Variants in SDC4 observed in about 807,000 individuals in gnomAD.
SDC4 encodes syndecan-4.
A neutral mutation model predicts 20.5 loss-of-function variants in SDC4; 17 were observed. The observed-to-expected ratio is 0.83, with a 90% CI of 0.57 to 1.25. The LOEUF (loss-of-function observed/expected upper bound fraction) is 1.25, where lower values mean the gene tolerates loss of function less well. Among genes scored for constraint, SDC4 ranks in the 50% most tolerant of loss-of-function variants. The probability of loss-of-function intolerance (pLI) is 0.00; values close to 1 mark genes in which losing one functional copy is unlikely to be tolerated. For missense variants in SDC4, 241 were observed against 252.3 expected, an observed-to-expected ratio of 0.96 and a Z score of 0.30; for synonymous variants, 107 against 105.3, an observed-to-expected ratio of 1.02 and a Z score of -0.10.
chr20:45,347,547 C>T (rs1260582710), intron 1 of SDC4, among the ~76,000 whole-genome samples: 1 of 152,158 alleles, frequency 6.6e-6, no homozygotes, highest in Non-Finnish European at 1.5e-5. Flanking sequence ...CTTCACCTCA[C>T]TCAAGGTGGA....
At position 45,326,458 on chromosome 20, in the gene SDC4, A is replaced by C. The variant is rs1450562657; in HGVS notation, c.*806T>G. ...TTCTCTCATTTTCAAGAAACAAACA[A>C]AAACAAAAACAAAAACCATTAAATA... On this transcript the variant is annotated 3_prime_UTR_variant, in exon 5 of 5. Coordinates refer to ENST00000372733, the MANE Select transcript of SDC4 (RefSeq NM_002999.4). 1 of 152,014 alleles carries C rather than the reference A, an allele frequency of 6.6e-6. No homozygotes were observed. The highest frequency in any genetic ancestry group is 1.5e-5 in the Non-Finnish European group (1 of 68,004). 9.4% of individuals were successfully genotyped at this position (152,014 alleles called of 1,614,324 possible). A position where few individuals can be genotyped will look rare whatever the true frequency, so the allele number is the denominator to read the frequency against.
chr20:45,328,717 T>G (rs80124658), intron 4 of SDC4, among the ~76,000 whole-genome samples: 2,110 of 152,198 alleles, frequency 0.014, 58 homozygotes, highest in African/African-American at 0.048. Context: ...AGAAGATTAA[T>G]TTTCCATCCC....
chr20:45,335,362 T>C (rs1482116168), intron 2 of SDC4, among the ~76,000 whole-genome samples: 1 of 151,996 alleles, frequency 6.6e-6, no homozygotes, highest in African/African-American at 2.4e-5. Flanking sequence ...TGTGTTTTTG[T>C]AGAGACAAGT....
intron 3 of SDC4, among the ~76,000 whole-genome samples, chr20:45,331,435 T>C (rs1457788199): frequency 6.6e-6 from 1 of 152,116 alleles, no homozygotes; most frequent in Non-Finnish European, 1.5e-5. Context: ...ATGTCAGGTG[T>C]TTGAACCAGA....
chr20:45,348,236 C>G (rs1194643858), intron 1 of SDC4, 89 bp downstream of exon 1: 40 of 202,538 alleles, frequency 2.0e-4, no homozygotes, highest in Middle Eastern at 9.0e-4. Context: ...CCCCGATCTG[C>G]CCCCCCCCAT....
chr20:45,348,349 G>T lies in SDC4; in HGVS notation c.36C>A (p.Phe12Leu), dbSNP rs1374316408. Reference sequence around the variant, plus strand: ...CCGACTCGGCGACTCCGCCTACGAAGAACAGCAGCAGCGCGAACAGACGGG... The same window carrying T: ...CCGACTCGGCGACTCCGCCTACGAATAACAGCAGCAGCGCGAACAGACGGG... The part of the protein sequence containing the change: ...APARLFALLL[F>L]FVGGVAESIR... The change falls in exon 1 of 5, where the codon TTC (phenylalanine) becomes TTA (leucine). Residue 12 changes from phenylalanine to leucine, a missense_variant. Transcript: ENST00000372733. 1.3e-6 allele frequency: 2 copies of T among 1,593,560 alleles called. No homozygotes were observed. The highest frequency in any genetic ancestry group is 2.3e-5 in the East Asian group (1 of 43,834).
In SDC4 at chr20:45,325,613, A is replaced by C. The variant is rs1987671520; in HGVS notation, c.*1651T>G. 8.2e-6 allele frequency: 1 copy of C among 122,656 alleles called. No individual in the cohort carries two copies. The highest frequency in any genetic ancestry group is 1.6e-5 in the Non-Finnish European group (1 of 61,176). The allele number at this position is 122,656 out of a possible 1,614,324, so 7.6% of individuals were successfully genotyped here. On this transcript the variant is annotated 3_prime_UTR_variant, in exon 5 of 5. Transcript: ENST00000372733. ...AACAGGCCCCAGCTGGGGCCTCATC[A>C]GCCCTCCCCCATTCCCCCCCCCCTA... is the stretch of plus-strand genomic sequence containing the variant.
At chr20:45,335,695 G>A in intron 2 of SDC4, 87 bp downstream of exon 2, 1 of 1,424,312 alleles carries the variant, frequency 7.0e-7, no homozygotes, top group Non-Finnish European at 9.6e-7. Context: ...AAAAATCCAA[G>A]TCTCAAGGCA....
At chr20:45,327,902 T>G (rs1470728748) in intron 4 of SDC4, among the ~76,000 whole-genome samples, 1 of 152,226 alleles carries the variant, frequency 6.6e-6, no homozygotes, top group African/African-American at 2.4e-5. Flanking sequence ...CCCAAAGTGC[T>G]GGGATTACAG....
chr20:45,330,232 A>G (rs2070638), intron 4 of SDC4, 134 bp downstream of exon 4: 398,210 of 767,902 alleles, frequency 0.52, 104,563 homozygotes, highest in Admixed American at 0.62. Context: ...TCAATGTTCT[A>G]GGGCAACCTG....
At chr20:45,344,950 A>C (rs1057066885) in intron 1 of SDC4, among the ~76,000 whole-genome samples, 2 of 152,142 alleles carry the variant, frequency 1.3e-5, no homozygotes, top group African/African-American at 2.4e-5. Flanking sequence ...TTCTGAGGAC[A>C]CTCAAACCAG....
chr20:45,347,073 T>C (rs1988042468), intron 1 of SDC4, among the ~76,000 whole-genome samples: 1 of 152,154 alleles, frequency 6.6e-6, no homozygotes. Flanking sequence ...ATTAGAAAGT[T>C]ATTAGAGCAA....
At chr20:45,337,838 C>T (rs1455743709) in intron 1 of SDC4, among the ~76,000 whole-genome samples, 3 of 152,206 alleles carry the variant, frequency 2.0e-5, no homozygotes, top group African/African-American at 7.2e-5. Flanking sequence ...TCACTCTCTC[C>T]CGGGGAGTGG....
chr20:45,331,500 G>A (rs991539793), intron 3 of SDC4, among the ~76,000 whole-genome samples: 3 of 152,108 alleles, frequency 2.0e-5, no homozygotes, highest in African/African-American at 4.8e-5. Context: ...CTGCTGGGCC[G>A]CATTCCCAGT....
At chr20:45,332,160 CTTTT>C (rs60632364) in intron 3 of SDC4, among the ~76,000 whole-genome samples, 53 of 140,092 alleles carry the variant, frequency 3.8e-4, no homozygotes, top group South Asian at 4.5e-4. Flanking sequence ...TATATATATA[CTTTT>C]TTTTTTTTTT....
Position 45,327,093 on chromosome 20 carries a change from C to G in SDC4, c.*171G>C, listed in dbSNP as rs1203495720. The G allele has an allele frequency of 1.5e-6, 1 of 647,466 alleles. No homozygotes were observed. Among genetic ancestry groups the G allele is most frequent in the Admixed American group, 3.2e-5 (1 of 31,744 alleles). 40.1% of individuals were successfully genotyped at this position (647,466 alleles called of 1,614,324 possible). On this transcript the variant is annotated 3_prime_UTR_variant, in exon 5 of 5. Coordinates refer to ENST00000372733, the MANE Select transcript of SDC4 (RefSeq NM_002999.4). ...CTGAGGCCCAAAGCTCAAGAAGAACCTGGCAGAACAGTAGAAGACAATGTC... is the reference window on the plus strand; with the variant it reads ...CTGAGGCCCAAAGCTCAAGAAGAACGTGGCAGAACAGTAGAAGACAATGTC...
At chr20:45,336,271 G>T (rs545540409) in intron 1 of SDC4, among the ~76,000 whole-genome samples, 1 of 152,180 alleles carries the variant, frequency 6.6e-6, no homozygotes, top group South Asian at 2.1e-4. Flanking sequence ...AAATCAGCTG[G>T]GCGTGGTGGC....
At chr20:45,328,284 T>C (rs1987725324) in intron 4 of SDC4, among the ~76,000 whole-genome samples, 1 of 152,224 alleles carries the variant, frequency 6.6e-6, no homozygotes, top group Non-Finnish European at 1.5e-5. Context: ...ACTTCCTGGC[T>C]GTGTGATTTG....
intron 1 of SDC4, among the ~76,000 whole-genome samples, chr20:45,346,418 C>A (rs1988032843): frequency 6.6e-6 from 1 of 152,182 alleles, no homozygotes; most frequent in South Asian, 2.1e-4. Context: ...TGATGGGTCA[C>A]CCAGGCAGGA....
Sources: allele counts gnomAD v4.1 joint callset (sites outside exome capture counted in the v4.1 genomes callset), GRCh38; gene constraint gnomAD v4.1.1; transcripts MANE v1.5; gene names NCBI Gene and HGNC (gene_info 2026-07-23, HGNC 2026-07-21).